Variants in FBXO43 observed in about 807,000 individuals in gnomAD.
FBXO43 encodes the protein F-box protein 43, also known as F-box only protein 43.
A neutral mutation model predicts 56.7 loss-of-function variants in FBXO43; 22 were observed. The observed-to-expected ratio is 0.39, with a 90% CI of 0.28 to 0.55. The LOEUF (loss-of-function observed/expected upper bound fraction) is 0.55, where lower values mean the gene tolerates loss of function less well. Ranked by LOEUF, FBXO43 falls within the 20% of genes least tolerant of loss-of-function variation. The pLI, the probability that FBXO43 is intolerant of heterozygous loss-of-function variation, is 0.66. For missense variants in FBXO43, 733 were observed against 814.9 expected (o/e 0.90, Z 1.22); for synonymous variants, 306 against 294.5 (o/e 1.04, Z -0.40).
At position 100,133,730 on chromosome 8, in the gene FBXO43, G is replaced by A. The variant is rs1814377762; in HGVS notation, c.*72C>T. The A allele has an allele frequency of 1.4e-6, 2 of 1,431,208 alleles. No individual in the cohort carries two copies. The highest frequency in any genetic ancestry group is 2.3e-5 in the East Asian group (1 of 43,436). 88.7% of individuals were successfully genotyped at this position (1,431,208 alleles called of 1,614,324 possible). ...CTGTCATTAATGGGAAGATTTGCATGTATTCAAAATATTCATAATTTTAAG... is the reference window on the plus strand; with the variant it reads ...CTGTCATTAATGGGAAGATTTGCATATATTCAAAATATTCATAATTTTAAG... On this transcript the variant is annotated 3_prime_UTR_variant, in exon 5 of 5. Transcript: ENST00000428847.
chr8:100,138,934 C>T (rs1054602491), intron 2 of FBXO43, among the ~76,000 whole-genome samples: 1 of 152,120 alleles, frequency 6.6e-6, no homozygotes, highest in Admixed American at 6.5e-5. Context: ...AACAGTTTAT[C>T]GTTTGAACAT....
chr8:100,133,622 A>C lies in FBXO43; in HGVS notation c.*180T>G. Reference sequence around the variant, plus strand: ...AAAATGGGTAAAATGACATAGTAAAATAAAATTTTTTCAAAACAACTTTAA... The same window carrying C: ...AAAATGGGTAAAATGACATAGTAAACTAAAATTTTTTCAAAACAACTTTAA... On this transcript the variant is annotated 3_prime_UTR_variant, in exon 5 of 5. Transcript: ENST00000428847. The C allele has an allele frequency of 1.6e-6, 1 of 630,210 alleles. No individual in the cohort carries two copies. Among genetic ancestry groups the C allele is most frequent in the Non-Finnish European group, 2.4e-6 (1 of 409,072 alleles). The allele number at this position is 630,210 out of a possible 1,614,324, so 39.0% of individuals were successfully genotyped here.
upstream of FBXO43, among the ~76,000 whole-genome samples, chr8:100,148,305 C>CTA (rs977097380): frequency 6.6e-5 from 10 of 152,144 alleles, no homozygotes; most frequent in African/African-American, 2.2e-4. Context: ...CACCTAAAAA[C>CTA]GGGCAAAAAG....
rs1814623845 is a variant in FBXO43 at position 100,140,968 on chromosome 8, T to A, written c.1286A>T (p.Asp429Val). 2 of 1,614,070 alleles carry A rather than the reference T, an allele frequency of 1.2e-6. No individual in the cohort carries two copies. Among genetic ancestry groups the A allele is most frequent in the South Asian group, 2.2e-5 (2 of 91,088 alleles). Reference protein sequence around the residue: ...EGQLSSDESGDLTFSLKNLSK... With the variant: ...EGQLSSDESGVLTFSLKNLSK... ...TAAATTCTTTAAGCTAAAGGTCAAA[T>A]CCCCACTCTCATCACTACTCAGCTG... Residue 429 changes from aspartate (D) to valine (V), a missense_variant, in exon 2 of 5, where the codon GAT becomes GTT. Transcript: ENST00000428847.
At chr8:100,136,728 G>A (rs969513084) in intron 3 of FBXO43, among the ~76,000 whole-genome samples, 3 of 152,194 alleles carry the variant, frequency 2.0e-5, no homozygotes, top group African/African-American at 7.2e-5. Context: ...TCTCAGTAGA[G>A]ATGCACTTCT....
intron 3 of FBXO43, chr8:100,137,205 C>A (rs563183358): frequency 6.0e-6 from 1 of 165,930 alleles, no homozygotes; most frequent in Non-Finnish European, 1.3e-5. Context: ...ACTACAGGCG[C>A]CTGCCACCAC....
upstream of FBXO43, among the ~76,000 whole-genome samples, chr8:100,149,999 T>C (rs923925554): frequency 6.6e-6 from 1 of 152,186 alleles, no homozygotes; most frequent in African/African-American, 2.4e-5. Context: ...TATGGTGGAA[T>C]ACATAGAACG....
chr8:100,141,255 G>A lies in FBXO43; in HGVS notation c.999C>T (p.Asp333=). 1 of 1,614,102 alleles carries A rather than the reference G, an allele frequency of 6.2e-7. No individual in the cohort carries two copies. Among genetic ancestry groups the A allele is most frequent in the Non-Finnish European group, 8.5e-7 (1 of 1,179,986 alleles). ...EVRGSISTPE[D]SGFNSLSLEK... ...CCAAGCTAAGTGAGTTAAAACCACT[G>A]TCTTCAGGCGTTGAAATACTGCCTC... The change falls in exon 2 of 5, where the codon GAC becomes GAT. Residue 333 remains aspartate, a synonymous_variant. Coordinates refer to ENST00000428847, the MANE Select transcript of FBXO43 (RefSeq NM_001029860.4).
intron 1 of FBXO43, among the ~76,000 whole-genome samples, chr8:100,143,937 A>G (rs1198154562): frequency 6.6e-6 from 1 of 152,032 alleles, no homozygotes; most frequent in Non-Finnish European, 1.5e-5. Flanking sequence ...ACGCCCGGCT[A>G]ATTTGTGTAT....
rs1814636420 is a variant in FBXO43 at position 100,141,203 on chromosome 8, G to A, written c.1051C>T (p.Gln351Ter). ...LEKSEDSLSD[Q>*]EGSFQELLQK... Reference sequence around the variant, plus strand: ...AGTAGTTCTTGAAAAGAACCCTCCTGGTCAGACAGGGAATCTTCTGATTTC... The same window carrying A: ...AGTAGTTCTTGAAAAGAACCCTCCTAGTCAGACAGGGAATCTTCTGATTTC... Residue 351 changes from glutamine (Q) to a stop codon, truncating the protein, a stop_gained, in exon 2 of 5, where the codon CAG becomes TAG. Transcript: ENST00000428847. LOFTEE classifies it high-confidence loss of function. The A allele has an allele frequency of 1.2e-6, 2 of 1,614,128 alleles. No individual in the cohort carries two copies. Among genetic ancestry groups the A allele is most frequent in the Non-Finnish European group, 1.7e-6 (2 of 1,180,030 alleles).
rs1437278419 is a variant in FBXO43 at position 100,140,926 on chromosome 8, A to G, written c.1328T>C (p.Leu443Ser). 1 of 1,614,068 alleles carries G rather than the reference A, an allele frequency of 6.2e-7. No individual in the cohort carries two copies. Among genetic ancestry groups the G allele is most frequent in the Non-Finnish European group, 8.5e-7 (1 of 1,180,052 alleles). The change falls in exon 2 of 5, where the codon TTG becomes TCG. Residue 443 changes from leucine to serine, a missense_variant. Physicochemically the swap from Leu to Ser is moderately radical, Grantham distance 145. Transcript: ENST00000428847. Reference sequence around the variant, plus strand: ...CATGAACAGCTCATGTACCAATTGCAAGGCTGGGGTCTTTGATAAATTCTT... The same window carrying G: ...CATGAACAGCTCATGTACCAATTGCGAGGCTGGGGTCTTTGATAAATTCTT... ...SLKNLSKTPA[L>S]QLVHELFMKS...
At position 100,142,159 on chromosome 8, in the gene FBXO43, ATC is replaced by A. The variant is rs754361934; in HGVS notation, c.93_94del (p.Glu31AspfsTer15). 4 of 1,553,056 alleles carry A rather than the reference ATC, an allele frequency of 2.6e-6. No individual in the cohort carries two copies. The African/African-American group carries it at 5.5e-5, about 21-fold the overall frequency. On this transcript the variant is annotated frameshift_variant, in exon 2 of 5. Transcript: ENST00000428847. LOFTEE classifies it high-confidence loss of function. ...TGAGTGCCTTTGCGACATCTTCAAA[ATC>A]TCTGTTTCTGCAAAGTGACAACAAA... is the stretch of plus-strand genomic sequence containing the variant.
upstream of FBXO43, among the ~76,000 whole-genome samples, chr8:100,146,468 C>G (rs1290528199): frequency 6.6e-6 from 1 of 152,168 alleles, no homozygotes; most frequent in Non-Finnish European, 1.5e-5. Context: ...TCATAAAAAC[C>G]AGAGTGAAAT....
chr8:100,133,905 T>A lies in FBXO43; in HGVS notation c.2024A>T (p.Tyr675Phe), dbSNP rs1241416875. 1.2e-6 allele frequency: 2 copies of A among 1,614,188 alleles called. No individual in the cohort carries two copies. The highest frequency in any genetic ancestry group is 1.7e-5 in the Admixed American group (1 of 60,020). The change falls in exon 5 of 5, where the codon TAT becomes TTT. Residue 675 changes from tyrosine to phenylalanine, a missense_variant. By Grantham distance (22) the Tyr-to-Phe change is conservative (BLOSUM62 3). Transcript: ENST00000428847. ...TCTACTACATTCTTCAGACCCATGA[T>A]AAGCACACAGACATAACACACAAAA... is the stretch of plus-strand genomic sequence containing the variant. ...FDFCVLCLCA[Y>F]HGSEECSRGA...
At position 100,137,585 on chromosome 8, in the gene FBXO43, G is replaced by C. The variant is rs1250323590; in HGVS notation, c.1654C>G (p.Gln552Glu). 6.2e-7 allele frequency: 1 copy of C among 1,609,172 alleles called. No individual in the cohort carries two copies. The highest frequency in any genetic ancestry group is 1.7e-5 in the Admixed American group (1 of 59,586). Reference protein sequence around the residue: ...ANRRRKFYITQLKTDSEGAVL... With the variant: ...ANRRRKFYITELKTDSEGAVL... The stretch of plus-strand genomic sequence containing the variant: ...ATTACCTCAGAATCTGTTTTCAGTT[G>C]TGTGATATAAAATTTCCTCCTCCGA... Residue 552 changes from glutamine (Q) to glutamate (E), a missense_variant, in exon 3 of 5, where the codon CAA becomes GAA. By Grantham distance (29) the Gln-to-Glu change is conservative. Coordinates refer to ENST00000428847, the MANE Select transcript of FBXO43 (RefSeq NM_001029860.4).
upstream of FBXO43, chr8:100,145,837 A>C (rs1212730750): frequency 6.6e-6 from 1 of 152,490 alleles, no homozygotes; most frequent in African/African-American, 2.4e-5. Context: ...GCCCGGGGTA[A>C]CCGCTAAGCG....
chr8:100,142,999 A>G (rs762670558), intron 1 of FBXO43, among the ~76,000 whole-genome samples: 21 of 152,242 alleles, frequency 1.4e-4, no homozygotes, highest in Non-Finnish European at 2.9e-4. Context: ...TAAAGAATGC[A>G]ACTCAATTAC....
At position 100,141,558 on chromosome 8, in the gene FBXO43, A is replaced by G. The variant is rs1166369137; in HGVS notation, c.696T>C (p.Thr232=). The change falls in exon 2 of 5, where the codon ACT becomes ACC. Residue 232 remains threonine, a synonymous_variant. Transcript: ENST00000428847. ...CATCTTTGGAATCATCAATTGTGGA[A>G]GTCTTTTGCTGAGAAAAATTAAGCC... ...KLRLNFSQQK[T]STIDDSKDDC... is the part of the protein sequence containing the mutation. 6.2e-7 allele frequency: 1 copy of G among 1,611,536 alleles called. No individual in the cohort carries two copies. Among genetic ancestry groups the G allele is most frequent in the Non-Finnish European group, 8.5e-7 (1 of 1,180,020 alleles).
intron 1 of FBXO43, 100 bp downstream of exon 1, chr8:100,144,951 A>AAAGAAAAAG (rs1213172687): frequency 4.4e-6 from 6 of 1,363,736 alleles, no homozygotes; most frequent in East Asian, 2.7e-5. Flanking sequence ...AAGAAAGAAA[A>AAAGAAAAAG]AAGAAAAAGA....
Sources: gnomAD v4.1 joint callset for allele counts (sites outside exome capture counted in the v4.1 genomes callset) on GRCh38, gnomAD v4.1.1 for gene constraint, MANE v1.5 for transcripts, NCBI Gene and HGNC (gene_info 2026-07-23, HGNC 2026-07-21) for gene names.